DNMT3L: variants seen among roughly 807,000 people sequenced by gnomAD.
DNMT3L encodes the protein DNA methyltransferase 3 like.
Under a neutral mutation model 36.2 loss-of-function variants are expected in DNMT3L, and 33 were observed. The observed-to-expected ratio is 0.91, with a 90% CI of 0.69 to 1.22. The LOEUF is 1.22. DNMT3L is among the 50% of genes most tolerant of loss of function. The pLI is 0.00. For missense variants in DNMT3L, 310 were observed against 303.1 expected, an observed-to-expected ratio of 1.02 and a Z score of -0.17; for synonymous variants, 117 against 121.7, an observed-to-expected ratio of 0.96 and a Z score of 0.26.
In DNMT3L at chr21:44,254,526, C is replaced by A. The variant is rs2146354581; in HGVS notation, c.693+91G>T. ...GACTCCTCCCAGCCCCTGCTGCCGCCTCCTTGCCCGCCTCATCCTTGGCAT... is the reference window on the plus strand; with the variant it reads ...GACTCCTCCCAGCCCCTGCTGCCGCATCCTTGCCCGCCTCATCCTTGGCAT... On this transcript the variant is annotated intron_variant, in intron 8 of 11. Coordinates refer to ENST00000628202, the MANE Select transcript of DNMT3L (RefSeq NM_175867.3). 5.5e-6 allele frequency: 8 copies of A among 1,452,462 alleles called. No individual in the cohort carries two copies. The South Asian group carries it at 7.7e-5, about 14-fold the overall frequency. 90.0% of individuals were successfully genotyped at this position (1,452,462 alleles called of 1,614,324 possible). A position where few individuals can be genotyped will look rare whatever the true frequency, so the allele number is the denominator to read the frequency against.
chr21:44,256,903 G>A (rs1433878771), intron 6 of DNMT3L, among the ~76,000 whole-genome samples: 4 of 152,190 alleles, frequency 2.6e-5, no homozygotes, highest in South Asian at 4.1e-4. Flanking sequence ...CCTTTCCTTC[G>A]AATTGGAGCA....
Position 44,259,323 on chromosome 21 carries a change from C to T in DNMT3L, c.344+114G>A. On this transcript the variant is annotated intron_variant, in intron 5 of 11. Transcript: ENST00000628202. ...GCATTGGAGACAGAAATCAGAAGCT[C>T]TCAGGGAAATCATCCATTTGGGAAG... 7.4e-6 allele frequency: 8 copies of T among 1,085,722 alleles called. No homozygotes were observed. The South Asian group carries it at 9.9e-5, about 13-fold the overall frequency. 67.3% of individuals were successfully genotyped at this position (1,085,722 alleles called of 1,614,324 possible).
chr21:44,254,589 G>A (rs938535860), intron 8 of DNMT3L, 28 bp downstream of exon 8: 8 of 1,611,512 alleles, frequency 5.0e-6, no homozygotes, highest in Non-Finnish European at 3.4e-6. Context: ...TCCCACTACA[G>A]TGTCTGAGAG....
intron 6 of DNMT3L, among the ~76,000 whole-genome samples, chr21:44,257,667 C>T (rs1266605808): frequency 3.1e-5 from 4 of 130,272 alleles, no homozygotes; most frequent in South Asian, 2.4e-4. Context: ...GGCGACAGAG[C>T]GAGACTCCGT....
At chr21:44,260,658 A>G (rs1379778909) in intron 3 of DNMT3L, 137 bp downstream of exon 3, 35 of 1,068,034 alleles carry the variant, frequency 3.3e-5, no homozygotes, top group Admixed American at 8.0e-5. Flanking sequence ...GAGTCTCACT[A>G]TGTTGCCTAG....
rs937821792 is a variant in DNMT3L, at chr21:44,256,419, A to ATTT, written c.517-268_517-266dup. Among the ~76,000 whole-genome samples the ATTT allele has an allele frequency of 4.8e-4, 50 of 103,760 alleles. 2 individuals carry two copies. The highest frequency in any genetic ancestry group is 1.1e-3 in the African/African-American group (28 of 24,834). 68.1% of individuals were successfully genotyped at this position (103,760 alleles called of 152,430 possible). ...ACAGTAGGTGTGGAGGGGTTTGCTG[A>ATTT]TTTTTTTTTTTTTTTTTTTTTTGAG... On this transcript the variant is annotated intron_variant, in intron 6 of 11. Transcript: ENST00000628202.
intron 7 of DNMT3L, among the ~76,000 whole-genome samples, chr21:44,255,702 G>T (rs2040251890): frequency 6.6e-6 from 1 of 152,224 alleles, no homozygotes; most frequent in African/African-American, 2.4e-5. Flanking sequence ...CCTTGGACAG[G>T]CTGTGCAGGC....
rs760427429 is a variant in DNMT3L, at chr21:44,261,182, T to G, written c.78A>C (p.Ser26=). The G allele has an allele frequency of 6.2e-7, 1 of 1,612,626 alleles. No homozygotes were observed. Among genetic ancestry groups the G allele is most frequent in the Non-Finnish European group, 8.5e-7 (1 of 1,179,872 alleles). ...DVILVGSSEL[S]SSVSPGTGRD... Reference sequence around the variant, plus strand: ...TGCCTGTCCCGGGTGAAACGGAGCTTGAGAGCTCACTGGATCCCACCAAAA... The same window carrying G: ...TGCCTGTCCCGGGTGAAACGGAGCTGGAGAGCTCACTGGATCCCACCAAAA... Residue 26 remains serine, a synonymous_variant, in exon 2 of 12, where the codon TCA becomes TCC. Transcript: ENST00000628202.
intron 7 of DNMT3L, 131 bp from the exon 8 acceptor site, chr21:44,254,836 G>A: frequency 1.1e-6 from 1 of 907,828 alleles, no homozygotes. Flanking sequence ...TTTTGTTGTT[G>A]TTGTTTTGAG....
At chr21:44,257,019 G>A (rs980072775) in intron 6 of DNMT3L, among the ~76,000 whole-genome samples, 4 of 152,194 alleles carry the variant, frequency 2.6e-5, no homozygotes, top group African/African-American at 7.2e-5. Context: ...CTTGCTCCCC[G>A]CTGGCTGCCT....
At chr21:44,254,033 A>G (rs1167176130) in intron 8 of DNMT3L, among the ~76,000 whole-genome samples, 1 of 152,220 alleles carries the variant, frequency 6.6e-6, no homozygotes, top group Non-Finnish European at 1.5e-5. Flanking sequence ...GGGAGCCCCC[A>G]AAAGACCTGT....
At chr21:44,254,584 C>T (rs1267420024) in intron 8 of DNMT3L, 33 bp downstream of exon 8, 1 of 1,610,560 alleles carries the variant, frequency 6.2e-7, no homozygotes, top group Admixed American at 1.7e-5. Flanking sequence ...CCCGCTCCCA[C>T]TACAGTGTCT....
chr21:44,259,516 C>G lies in DNMT3L; in HGVS notation c.265G>C (p.Asp89His), dbSNP rs147370440. Residue 89 changes from aspartate (D) to histidine (H), a missense_variant, in exon 5 of 12, where the codon GAT becomes CAT. By Grantham distance (81) the Asp-to-His change is moderately conservative (BLOSUM62 -1). Coordinates refer to ENST00000628202, the MANE Select transcript of DNMT3L (RefSeq NM_175867.3). ...GAGCAGTAGGATTGGTACCCGTCAT[C>G]GTCGTACAGGAAGAGGGCATCCAGG... ...KFLDALFLYD[D>H]DGYQSYCSIC... The G allele has an allele frequency of 6.2e-7, 1 of 1,613,720 alleles. No individual in the cohort carries two copies. Among genetic ancestry groups the G allele is most frequent in the Non-Finnish European group, 8.5e-7 (1 of 1,180,014 alleles).
At chr21:44,257,200 T>C (rs891524122) in intron 6 of DNMT3L, among the ~76,000 whole-genome samples, 1 of 151,738 alleles carries the variant, frequency 6.6e-6, no homozygotes, top group African/African-American at 2.4e-5. Context: ...GCCAACATGG[T>C]GAAACCCTGT....
intron 3 of DNMT3L, among the ~76,000 whole-genome samples, chr21:44,260,144 T>C (rs1568917493): frequency 6.6e-6 from 1 of 151,726 alleles, no homozygotes; most frequent in Non-Finnish European, 1.5e-5. Context: ...AAATCCCAGC[T>C]GGCTTTTGGG....
Position 44,258,348 on chromosome 21 carries a change from A to G in DNMT3L, c.516+175T>C, listed in dbSNP as rs549508191. 2.0e-5 allele frequency among the ~76,000 whole-genome samples: 3 copies of G among 152,250 alleles called. No homozygotes were observed. The highest frequency in any genetic ancestry group is 4.4e-5 in the Non-Finnish European group (3 of 68,042). On this transcript the variant is annotated intron_variant, in intron 6 of 11. Transcript: ENST00000628202. The surrounding 1 kb of genome is among the most constrained non-coding windows in gnomAD (Gnocchi z 6.2). Reference sequence around the variant, plus strand: ...ACAAAACTGCCAAAGCAGTTTACCCAAAGCCACCATCGAGTGGAAGCCACT... The same window carrying G: ...ACAAAACTGCCAAAGCAGTTTACCCGAAGCCACCATCGAGTGGAAGCCACT...
At chr21:44,256,574 G>A (rs560641090) in intron 6 of DNMT3L, among the ~76,000 whole-genome samples, 141 of 151,724 alleles carry the variant, frequency 9.3e-4, no homozygotes, top group African/African-American at 3.3e-3. Context: ...ACAGGCACCC[G>A]CCACCACGCC....
At chr21:44,261,055 A>T in intron 2 of DNMT3L, 99 bp downstream of exon 2, 1 of 1,489,016 alleles carries the variant, frequency 6.7e-7, no homozygotes, top group Non-Finnish European at 9.2e-7. Flanking sequence ...GGGTGCCTGA[A>T]TAATGCATGA....
rs527468260 is a variant in DNMT3L, at chr21:44,253,600, T to C, written c.693+1017A>G. Among the ~76,000 whole-genome samples the C allele has an allele frequency of 6.6e-5, 10 of 152,168 alleles. No individual in the cohort carries two copies. In the South Asian group the frequency reaches 2.1e-3, roughly 32 times the overall value. ...TGGGCATGGTGGCGGGTGCCTGTAA[T>C]ACCAGCTGCTTGGGAGGCTGAGGCA... On this transcript the variant is annotated intron_variant, in intron 8 of 11. Transcript: ENST00000628202.
Sources: gnomAD v4.1 joint callset for allele counts (sites outside exome capture counted in the v4.1 genomes callset) on GRCh38, gnomAD v4.1.1 for gene constraint, Gnocchi (gnomAD v3.1) non-coding constraint, MANE v1.5 for transcripts, NCBI Gene and HGNC (gene_info 2026-07-23, HGNC 2026-07-21) for gene names.